Variants in ERI1 observed in about 807,000 individuals in gnomAD.
The protein encoded by ERI1 is exoribonuclease 1.
A neutral mutation model predicts 39.7 loss-of-function variants in ERI1; 39 were observed. That is an observed-to-expected ratio of 0.98 (90% CI 0.76 to 1.28). ERI1 has a LOEUF of 1.28. ERI1 is among the 50% of genes most tolerant of loss of function. ERI1 has a pLI of 0.00. For synonymous variants in ERI1, 204 were observed against 149.6 expected (o/e 1.36, Z -2.65); for missense variants, 581 against 416.9 (o/e 1.39, Z -3.43).
intron 3 of ERI1, among the ~76,000 whole-genome samples, chr8:9,074,739 C>G (rs1432186310): frequency 6.6e-6 from 1 of 152,174 alleles, no homozygotes; most frequent in African/African-American, 2.4e-5. Context: ...CCAGCCAGTA[C>G]TTTATATTTA....
At chr8:9,048,869 C>A (rs943187299) in intron 3 of ERI1, among the ~76,000 whole-genome samples, 3 of 151,934 alleles carry the variant, frequency 2.0e-5, no homozygotes, top group Admixed American at 2.0e-4. Context: ...TGGTCTTGAA[C>A]TCCTGGGCTC....
chr8:9,072,337 A>G (rs1799079211), intron 3 of ERI1: 1 of 152,176 alleles, frequency 6.6e-6, no homozygotes, highest in African/African-American at 2.4e-5. Context: ...TAATTCACAT[A>G]CCATACAGTT....
chr8:9,067,382 ATGTGTGTGTGTGTG>A (rs10551937), intron 3 of ERI1, among the ~76,000 whole-genome samples: 11 of 143,898 alleles, frequency 7.6e-5, no homozygotes, highest in Non-Finnish European at 1.4e-4. Context: ...ACCTGTGTGC[ATGTGTGTGTGTGTG>A]TGTGTGTGTG....
intron 3 of ERI1, among the ~76,000 whole-genome samples, chr8:9,014,112 AC>A (rs1816974863): frequency 6.6e-6 from 1 of 152,042 alleles, no homozygotes; most frequent in Admixed American, 6.6e-5. Flanking sequence ...TCCTTACATG[AC>A]CTGGCCTATT....
chr8:9,024,507 G>A (rs536084527), intron 6 of ERI1, among the ~76,000 whole-genome samples: 3 of 151,708 alleles, frequency 2.0e-5, no homozygotes, highest in Non-Finnish European at 2.9e-5. Context: ...TGCAACCTGC[G>A]CCTCCTGGGT....
chr8:9,015,304 C>G (rs553800755), intron 3 of ERI1, among the ~76,000 whole-genome samples: 1 of 152,056 alleles, frequency 6.6e-6, no homozygotes, highest in African/African-American at 2.4e-5. Flanking sequence ...TTGTCATTTT[C>G]TCTATATCTA....
chr8:9,010,455 A>G (rs1231580277), intron 2 of ERI1, among the ~76,000 whole-genome samples: 1 of 152,240 alleles, frequency 6.6e-6, no homozygotes, highest in Non-Finnish European at 1.5e-5. Flanking sequence ...CAAAGAAACA[A>G]TATTAAGACA....
At chr8:9,080,493 G>A (rs4841096) in intron 3 of ERI1, among the ~76,000 whole-genome samples, 15,449 of 152,266 alleles carry the variant, frequency 0.1, 983 homozygotes, top group Non-Finnish European at 0.15. Context: ...GCCTAGAGGA[G>A]ATGAGGCAGA....
intron 3 of ERI1, chr8:9,088,376 C>T (rs998659243): frequency 2.0e-5 from 3 of 152,108 alleles, no homozygotes; most frequent in African/African-American, 2.4e-5. Context: ...TATTTAATGT[C>T]GCTGAAATTG....
intron 3 of ERI1, among the ~76,000 whole-genome samples, chr8:9,085,199 G>C (rs1456400316): frequency 2.0e-5 from 3 of 152,024 alleles, no homozygotes; most frequent in Non-Finnish European, 4.4e-5. Context: ...TTCTGTTTTT[G>C]TTTGTTTGTT....
At chr8:9,076,882 G>A (rs574956710) in intron 3 of ERI1, among the ~76,000 whole-genome samples, 1 of 152,348 alleles carries the variant, frequency 6.6e-6, no homozygotes, top group African/African-American at 2.4e-5. Flanking sequence ...GGAGCTCTCT[G>A]GGGCAGAGTT....
intron 3 of ERI1, among the ~76,000 whole-genome samples, chr8:9,015,874 A>G (rs1817215301): frequency 6.6e-6 from 1 of 152,172 alleles, no homozygotes; most frequent in African/African-American, 2.4e-5. Context: ...GGATTTTTAT[A>G]TGAAAATAAA....
chr8:9,030,172 A>G lies in ERI1; in HGVS notation c.*138A>G, dbSNP rs1053787843. 6.1e-6 allele frequency: 7 copies of G among 1,155,034 alleles called. No individual in the cohort carries two copies. Among genetic ancestry groups the G allele is most frequent in the African/African-American group, 1.5e-5 (1 of 64,604 alleles). 71.5% of individuals were successfully genotyped at this position (1,155,034 alleles called of 1,614,324 possible). On this transcript the variant is annotated 3_prime_UTR_variant, in exon 7 of 7. Transcript: ENST00000250263. Reference sequence around the variant, plus strand: ...ATCTTATTACAGGTGATAGAGATAGATACATGTATGTGAACAGATTTTGTA... The same window carrying G: ...ATCTTATTACAGGTGATAGAGATAGGTACATGTATGTGAACAGATTTTGTA...
intron 3 of ERI1, among the ~76,000 whole-genome samples, chr8:9,088,807 T>C (rs1019360281): frequency 6.6e-6 from 1 of 152,160 alleles, no homozygotes; most frequent in African/African-American, 2.4e-5. Context: ...TGCCTTTGGA[T>C]TGTAGCATGC....
intron 3 of ERI1, among the ~76,000 whole-genome samples, chr8:9,085,142 C>G (rs1799485881): frequency 2.0e-5 from 3 of 152,128 alleles, no homozygotes; most frequent in Admixed American, 1.3e-4. Context: ...TCAGCAAATT[C>G]CAGCCTGAGG....
At chr8:9,089,471 G>T (rs773703893) in intron 3 of ERI1, among the ~76,000 whole-genome samples, 4 of 152,164 alleles carry the variant, frequency 2.6e-5, no homozygotes, top group Non-Finnish European at 4.4e-5. Flanking sequence ...GGACACAAGG[G>T]TTTGCAAAGT....
At chr8:9,010,682 A>G (rs1168223800) in intron 2 of ERI1, among the ~76,000 whole-genome samples, 2 of 152,196 alleles carry the variant, frequency 1.3e-5, no homozygotes, top group African/African-American at 4.8e-5. Flanking sequence ...GCAGGCCAAT[A>G]TAGGATTCAT....
At chr8:9,016,642 G>A (rs111659673) in intron 4 of ERI1, among the ~76,000 whole-genome samples, 3 of 151,548 alleles carry the variant, frequency 2.0e-5, no homozygotes, top group Non-Finnish European at 4.4e-5. Context: ...GATTTCGTCT[G>A]TAAAATGCAT....
At chr8:9,018,787 G>T (rs1028275387) in intron 5 of ERI1, among the ~76,000 whole-genome samples, 2 of 151,366 alleles carry the variant, frequency 1.3e-5, no homozygotes, top group African/African-American at 4.9e-5. Flanking sequence ...TAGTCAGACT[G>T]GCCCAGGAAT....
Sources: gnomAD v4.1 joint callset for allele counts (sites outside exome capture counted in the v4.1 genomes callset) on GRCh38, gnomAD v4.1.1 for gene constraint, MANE v1.5 for transcripts, NCBI Gene and HGNC (gene_info 2026-07-23, HGNC 2026-07-21) for gene names.